Variants in AASS observed in about 807,000 individuals in gnomAD.
AASS encodes the protein alpha-aminoadipic semialdehyde synthase, mitochondrial.
Under a neutral mutation model 105.4 loss-of-function variants are expected in AASS, and 86 were observed. The observed-to-expected ratio is 0.82, with a 90% CI of 0.69 to 0.98. The LOEUF is 0.98. Ranked by LOEUF, AASS falls within the 50% of genes least tolerant of loss-of-function variation. The pLI, the probability that AASS is intolerant of heterozygous loss-of-function variation, is 0.00. For missense variants in AASS, 1,048 were observed against 1,143.2 expected (o/e 0.92, Z 1.20); for synonymous variants, 381 against 394.8 (o/e 0.96, Z 0.41).
chr7:122,096,397 C>T (rs905364881), intron 15 of AASS, among the ~76,000 whole-genome samples: 1 of 152,006 alleles, frequency 6.6e-6, no homozygotes, highest in Non-Finnish European at 1.5e-5. Flanking sequence ...CTTTGAGAGG[C>T]TGAGGCAAGT....
At position 122,076,527 on chromosome 7, in the gene AASS, C is replaced by G; in HGVS notation, c.2743G>C (p.Gly915Arg). 6.2e-7 allele frequency: 1 copy of G among 1,613,848 alleles called. No homozygotes were observed. The highest frequency in any genetic ancestry group is 8.5e-7 in the Non-Finnish European group (1 of 1,179,782). Residue 915 changes from glycine (G) to arginine (R), a missense_variant, in exon 24 of 24, where the codon GGC (glycine) becomes CGC (arginine). Coordinates refer to ENST00000417368, the MANE Select transcript of AASS (RefSeq NM_005763.4). The stretch of plus-strand genomic sequence containing the variant: ...GTACTCTGTGTAGTATATATAATGC[C>G]TTCTGCTTTAATTCGCTCCAATATT... ...GPILERIKAEGIIYTTQSTIK... is the reference protein window; with the variant it reads ...GPILERIKAERIIYTTQSTIK...
rs777979593 is a variant in AASS, at chr7:122,115,128, G to C, written c.989C>G (p.Ala330Gly). The C allele has an allele frequency of 6.2e-7, 1 of 1,614,202 alleles. No individual in the cohort carries two copies. The highest frequency in any genetic ancestry group is 2.2e-5 in the East Asian group (1 of 44,876). ...LTRQDAQSLLAPGKFSPAGVE... is the reference protein window; with the variant it reads ...LTRQDAQSLLGPGKFSPAGVE... ...ACCAGCAGGTGAGAACTTGCCCGGAGCCAGGAGACTCTGAGCATCTTGGCG... is the reference window on the plus strand; with the variant it reads ...ACCAGCAGGTGAGAACTTGCCCGGACCCAGGAGACTCTGAGCATCTTGGCG... Residue 330 changes from alanine to glycine, a missense_variant, in exon 9 of 24, where the codon GCT becomes GGT. Ala to Gly is a moderately conservative substitution (Grantham distance 60, BLOSUM62 0). Coordinates refer to ENST00000417368, the MANE Select transcript of AASS (RefSeq NM_005763.4).
chr7:122,118,947 T>C (rs1795318552), intron 4 of AASS, among the ~76,000 whole-genome samples: 1 of 152,172 alleles, frequency 6.6e-6, no homozygotes, highest in East Asian at 1.9e-4. Context: ...AATTTATTAC[T>C]GAGTTACTCC....
At chr7:122,141,109 G>C (rs147279461) in intron 1 of AASS, among the ~76,000 whole-genome samples, 1 of 152,146 alleles carries the variant, frequency 6.6e-6, no homozygotes, top group Admixed American at 6.5e-5. Flanking sequence ...CTAGAACTAG[G>C]CTTGGGCTTG....
In AASS at chr7:122,129,386, C is replaced by G; in HGVS notation, c.362G>C (p.Gly121Ala). 3.1e-6 allele frequency: 5 copies of G among 1,609,990 alleles called. No homozygotes were observed. The highest frequency in any genetic ancestry group is 3.4e-6 in the Non-Finnish European group (4 of 1,177,534). ...HTIKAQEANMGLLDEILKQEI... is the reference protein window; with the variant it reads ...HTIKAQEANMALLDEILKQEI... The stretch of plus-strand genomic sequence containing the variant: ...CTGTTTTAGAATCTCATCCAACAAG[C>G]CCATATTGGCCTCCTGAGCTTTTAT... Residue 121 changes from glycine (G) to alanine (A), a missense_variant, in exon 3 of 24, where the codon GGC becomes GCC. Gly to Ala is a moderately conservative substitution (Grantham distance 60). Transcript: ENST00000417368.
intron 7 of AASS, 50 bp downstream of exon 7, chr7:122,116,829 T>A: frequency 2.5e-6 from 4 of 1,611,452 alleles, no homozygotes; most frequent in Non-Finnish European, 3.4e-6. Context: ...TAAAATATTA[T>A]AACATAGACT....
rs57828681 is a variant in AASS at position 122,140,485 on chromosome 7, C to CAAAAAAAAAAAAAAAAAAAAA, written c.-16+3655_-16+3675dup. Among the ~76,000 whole-genome samples the CAAAAAAAAAAAAAAAAAAAAA allele has an allele frequency of 3.4e-3, 128 of 37,318 alleles. 5 individuals are homozygous for CAAAAAAAAAAAAAAAAAAAAA. Among genetic ancestry groups the CAAAAAAAAAAAAAAAAAAAAA allele is most frequent in the African/African-American group, 3.9e-3 (36 of 9,210 alleles). 24.5% of individuals were successfully genotyped at this position (37,318 alleles called of 152,430 possible). ...TGGGCGACAGAGCGAGACTCAGTCT[C>CAAAAAAAAAAAAAAAAAAAAA]AAAAAAAAAAAAAAAAAAAAAAAGA... On this transcript the variant is annotated intron_variant, in intron 1 of 23. Transcript: ENST00000417368.
At chr7:122,129,945 T>G (rs141852421) in intron 2 of AASS, among the ~76,000 whole-genome samples, 115 of 152,254 alleles carry the variant, frequency 7.6e-4, no homozygotes, top group Non-Finnish European at 1.3e-3. Context: ...TATTTTTCAG[T>G]GTTTACCCAG....
rs753772911 is a variant in AASS, at chr7:122,113,717, G to T, written c.1047C>A (p.Leu349=). The change falls in exon 10 of 24, where the codon CTC becomes CTA. Residue 349 remains leucine (L), a synonymous_variant. Transcript: ENST00000417368. ...CAGCTGAAATGTCACATATTGCCAC[G>T]AGTCTGAAAATAACATCAATACTTA... ...VEGCPALPHK[L]VAICDISADT... 1.2e-6 allele frequency: 2 copies of T among 1,612,440 alleles called. No individual in the cohort carries two copies. The highest frequency in any genetic ancestry group is 1.7e-6 in the Non-Finnish European group (2 of 1,179,792).
Position 122,115,127 on chromosome 7 carries a change from A to G in AASS, c.990T>C (p.Ala330=). ...LTRQDAQSLL[A]PGKFSPAGVE... ...CACCAGCAGGTGAGAACTTGCCCGG[A>G]GCCAGGAGACTCTGAGCATCTTGGC... is the stretch of plus-strand genomic sequence containing the variant. The change falls in exon 9 of 24, where the codon GCT becomes GCC. Residue 330 remains alanine (A), a synonymous_variant. Coordinates refer to ENST00000417368, the MANE Select transcript of AASS (RefSeq NM_005763.4). The G allele has an allele frequency of 1.9e-6, 3 of 1,614,172 alleles. No homozygotes were observed. Among genetic ancestry groups the G allele is most frequent in the Non-Finnish European group, 2.5e-6 (3 of 1,180,032 alleles).
chr7:122,113,943 A>G (rs1210847777), intron 9 of AASS, among the ~76,000 whole-genome samples: 3 of 151,428 alleles, frequency 2.0e-5, no homozygotes, highest in Non-Finnish European at 4.4e-5. Flanking sequence ...AAAAAAAAGA[A>G]AGAAAGAAAG....
intron 3 of AASS, among the ~76,000 whole-genome samples, chr7:122,128,826 C>A (rs1277744035): frequency 3.3e-5 from 5 of 152,114 alleles, no homozygotes; most frequent in Non-Finnish European, 7.3e-5. Context: ...TGCCTGTAAT[C>A]CCAGCACTTT....
chr7:122,115,283 G>GA lies in AASS; in HGVS notation c.895-62dup. 3.2e-6 allele frequency: 5 copies of GA among 1,569,854 alleles called. 1 individual carries two copies. In the Admixed American group the frequency reaches 8.3e-5, roughly 26 times the overall value. On this transcript the variant is annotated intron_variant, in intron 8 of 23. Transcript: ENST00000417368. ...ATAGCCTATTTTAATACAGTATACT[G>GA]AAAGAAAGCTATCAGTAAATTCTAT... is the stretch of plus-strand genomic sequence containing the variant.
Position 122,142,146 on chromosome 7 carries a change from C to T in AASS, c.-16+2015G>A, listed in dbSNP as rs1382679348. The stretch of plus-strand genomic sequence containing the variant: ...CTCAGCGGCCAAACTTACTCTGTGA[C>T]CTTGGCTGGCAACTTAACCTGTCTG... On this transcript the variant is annotated intron_variant, in intron 1 of 23. Transcript: ENST00000417368. Among the ~76,000 whole-genome samples the T allele has an allele frequency of 3.9e-5, 6 of 152,186 alleles. 1 individual carries two copies. The highest frequency in any genetic ancestry group is 8.8e-5 in the Non-Finnish European group (6 of 68,036).
chr7:122,137,966 G>GA (rs909574476), intron 1 of AASS, among the ~76,000 whole-genome samples: 1 of 151,852 alleles, frequency 6.6e-6, no homozygotes, highest in African/African-American at 2.4e-5. Context: ...CAGAGAGGGG[G>GA]AAAAAAAGAG....
rs201772991 is a variant in AASS at position 122,118,583 on chromosome 7, C to T, written c.520G>A (p.Gly174Arg). The T allele has an allele frequency of 6.2e-7, 1 of 1,613,912 alleles. No individual in the cohort carries two copies. The highest frequency in any genetic ancestry group is 1.7e-5 in the Admixed American group (1 of 59,980). ...CTTACCATAAAAGGTGTGTGATGTC[C>T]CAAAGCAAGGAGCCTTAAACCCATT... is the stretch of plus-strand genomic sequence containing the variant. ...HGMGLRLLALGHHTPFMHIGM... is the reference protein window; with the variant it reads ...HGMGLRLLALRHHTPFMHIGM... The change falls in exon 5 of 24, where the codon GGA (glycine) becomes AGA (arginine). Residue 174 changes from glycine (G) to arginine (R), a missense_variant. Coordinates refer to ENST00000417368, the MANE Select transcript of AASS (RefSeq NM_005763.4).
intron 11 of AASS, among the ~76,000 whole-genome samples, chr7:122,102,913 A>G (rs1794498227): frequency 1.3e-5 from 2 of 152,062 alleles, no homozygotes; most frequent in Admixed American, 1.3e-4. Flanking sequence ...CAAGGAAAAA[A>G]ACAGGGAACA....
At chr7:122,094,449 G>A (rs1261203374) in intron 15 of AASS, among the ~76,000 whole-genome samples, 1 of 151,994 alleles carries the variant, frequency 6.6e-6, no homozygotes, top group Non-Finnish European at 1.5e-5. Flanking sequence ...GAAGTATGCA[G>A]AGTTAATTTG....
intron 3 of AASS, 117 bp from the exon 4 acceptor site, chr7:122,126,576 G>C (rs1344645414): frequency 2.4e-6 from 2 of 838,258 alleles, no homozygotes; most frequent in African/African-American, 3.3e-5. Context: ...ACCTTAACTT[G>C]CTAACAGAAG....
Sources: allele counts gnomAD v4.1 joint callset (sites outside exome capture counted in the v4.1 genomes callset), GRCh38; gene constraint gnomAD v4.1.1; transcripts MANE v1.5; gene names NCBI Gene and HGNC (gene_info 2026-07-23, HGNC 2026-07-21).